The following TTC27 variants were observed in gnomAD, a reference collection of about 807,000 sequenced individuals.
TTC27 encodes tetratricopeptide repeat domain 27, also known as tetratricopeptide repeat protein 27.
Under a neutral mutation model 115.9 loss-of-function variants are expected in TTC27, and 79 were observed. The observed-to-expected ratio is 0.68, with a 90% CI of 0.57 to 0.82. TTC27 has a LOEUF of 0.82. Among genes scored for constraint, TTC27 ranks in the 40% least tolerant of loss-of-function variants. TTC27 has a pLI of 0.00. For synonymous variants in TTC27, 401 were observed against 356.0 expected, an observed-to-expected ratio of 1.13 and a Z score of -1.42; for missense variants, 1,054 against 993.1, an observed-to-expected ratio of 1.06 and a Z score of -0.82.
intron 4 of TTC27, among the ~76,000 whole-genome samples, chr2:32,647,670 T>C (rs1433339552): frequency 6.6e-6 from 1 of 152,062 alleles, no homozygotes; most frequent in Non-Finnish European, 1.5e-5. Context: ...GAAATTAAGT[T>C]CAAGCAAAAA....
intron 4 of TTC27, among the ~76,000 whole-genome samples, chr2:32,648,206 C>T (rs76828031): frequency 0.1 from 15,533 of 152,090 alleles, 1,151 homozygotes; most frequent in South Asian, 0.32. Flanking sequence ...TGGCTCACTG[C>T]AACCTCCGCC....
chr2:32,691,588 C>T (rs1415828159), intron 9 of TTC27, among the ~76,000 whole-genome samples: 4 of 152,146 alleles, frequency 2.6e-5, no homozygotes, highest in South Asian at 2.1e-4. Context: ...CATGAGCCAC[C>T]GCGCCTGGCC....
chr2:32,692,036 G>GATTTTTTTTTTTTTTTTTT (rs1666830490), intron 9 of TTC27, among the ~76,000 whole-genome samples: 1 of 61,188 alleles, frequency 1.6e-5, no homozygotes, highest in Non-Finnish European at 2.9e-5. Flanking sequence ...AATTTTTTAG[G>GATTTTTTTTTTTTTTTTTT]TTTTTTTTTT....
At chr2:32,753,427 GC>G (rs1669085113) in intron 12 of TTC27, among the ~76,000 whole-genome samples, 1 of 98,488 alleles carries the variant, frequency 1.0e-5, no homozygotes, top group Admixed American at 1.1e-4. Context: ...CCAATCAAAT[GC>G]CTTTTTTTTT....
chr2:32,647,646 C>G (rs915750423), intron 4 of TTC27, among the ~76,000 whole-genome samples: 1 of 152,142 alleles, frequency 6.6e-6, no homozygotes, highest in Non-Finnish European at 1.5e-5. Flanking sequence ...AAGGGAACGT[C>G]TTAGTCAAAT....
intron 12 of TTC27, among the ~76,000 whole-genome samples, chr2:32,741,725 T>G (rs1415304843): frequency 1.3e-5 from 2 of 152,150 alleles, no homozygotes; most frequent in African/African-American, 4.8e-5. Flanking sequence ...AGTTTTGGCA[T>G]GTAGCAAGAA....
chr2:32,691,381 C>T (rs1045134990), intron 9 of TTC27, among the ~76,000 whole-genome samples: 1 of 151,836 alleles, frequency 6.6e-6, no homozygotes, highest in East Asian at 1.9e-4. Flanking sequence ...TCACTGCAAC[C>T]TCCACCTCCC....
chr2:32,758,542 G>A, intron 13 of TTC27, 23 bp downstream of exon 13: 1 of 1,600,864 alleles, frequency 6.2e-7, no homozygotes, highest in Non-Finnish European at 8.6e-7. Flanking sequence ...ATAACCCCCT[G>A]CTGCTCTCAG....
Position 32,650,232 on chromosome 2 carries a change from A to G in TTC27, c.639A>G (p.Gln213=), listed in dbSNP as rs1437220901. ...CTCTTGCCGAAAACTGTATTGATCAAGGTATGTAGCAGATTTTTGTTTGAT... is the reference window on the plus strand; with the variant it reads ...CTCTTGCCGAAAACTGTATTGATCAGGGTATGTAGCAGATTTTTGTTTGAT... ...LFTLAENCID[Q]VMKLQNLFVD... is the part of the protein sequence containing the mutation. The change falls in exon 5 of 20, where the codon CAA becomes CAG. Residue 213 remains glutamine (Q), a splice_region_variant and synonymous_variant. Coordinates refer to ENST00000317907, the MANE Select transcript of TTC27 (RefSeq NM_017735.5). 6.2e-7 allele frequency: 1 copy of G among 1,612,854 alleles called. No individual in the cohort carries two copies. The highest frequency in any genetic ancestry group is 8.5e-7 in the Non-Finnish European group (1 of 1,179,300).
intron 1 of TTC27, among the ~76,000 whole-genome samples, chr2:32,628,733 T>TTTTATCTA (rs1401137804): frequency 7.2e-6 from 1 of 139,752 alleles, no homozygotes; most frequent in Non-Finnish European, 1.5e-5. Flanking sequence ...AGTAATTTTA[T>TTTTATCTA]TTTATCTATT....
At chr2:32,671,954 A>G (rs1010793187) in intron 7 of TTC27, among the ~76,000 whole-genome samples, 2 of 152,196 alleles carry the variant, frequency 1.3e-5, no homozygotes, top group African/African-American at 4.8e-5. Context: ...CCTATTGTCT[A>G]TGATTGTTGT....
chr2:32,771,546 A>G (rs1351362578), intron 13 of TTC27, among the ~76,000 whole-genome samples: 1 of 152,250 alleles, frequency 6.6e-6, no homozygotes, highest in Non-Finnish European at 1.5e-5. Context: ...AAGAAAAAGT[A>G]TGTATAAAAT....
intron 9 of TTC27, among the ~76,000 whole-genome samples, chr2:32,680,834 C>A (rs920542812): frequency 1.3e-5 from 2 of 152,192 alleles, no homozygotes; most frequent in Non-Finnish European, 2.9e-5. Context: ...CTAGCACACT[C>A]TTTTTACATT....
intron 16 of TTC27, among the ~76,000 whole-genome samples, chr2:32,791,512 A>G (rs1420703916): frequency 6.6e-6 from 1 of 152,208 alleles, no homozygotes; most frequent in Non-Finnish European, 1.5e-5. Context: ...GATTAATATG[A>G]AACCCAGAGA....
At chr2:32,791,286 C>T (rs1209088494) in intron 16 of TTC27, among the ~76,000 whole-genome samples, 3 of 152,058 alleles carry the variant, frequency 2.0e-5, no homozygotes, top group Non-Finnish European at 4.4e-5. Flanking sequence ...TCCTTTTCTT[C>T]CTTTTTTGTT....
At chr2:32,757,367 C>A (rs147179174) in intron 12 of TTC27, among the ~76,000 whole-genome samples, 1 of 152,212 alleles carries the variant, frequency 6.6e-6, no homozygotes, top group African/African-American at 2.4e-5. Flanking sequence ...AACCTCTCTT[C>A]GGTGCCTTTC....
In TTC27 at chr2:32,647,907, A is replaced by C. The variant is rs374157082; in HGVS notation, c.538-2224A>C. Among the ~76,000 whole-genome samples the C allele has an allele frequency of 2.6e-4, 39 of 152,254 alleles. 3 individuals carry two copies. The South Asian group carries it at 7.3e-3, about 28-fold the overall frequency. On this transcript the variant is annotated intron_variant, in intron 4 of 19. Transcript: ENST00000317907. The stretch of plus-strand genomic sequence containing the variant: ...TTTGCAGGTAACTAAAAGGAAAACT[A>C]ATTGTTAGACTTTCATGTAATATAA...
At chr2:32,722,236 C>G (rs749814600) in intron 10 of TTC27, among the ~76,000 whole-genome samples, 2 of 152,154 alleles carry the variant, frequency 1.3e-5, no homozygotes, top group Non-Finnish European at 2.9e-5. Flanking sequence ...TTTCACATAT[C>G]TGAGATATGA....
chr2:32,692,848 C>T (rs557055053), intron 9 of TTC27, among the ~76,000 whole-genome samples: 87 of 151,958 alleles, frequency 5.7e-4, no homozygotes, highest in Admixed American at 3.8e-3. Flanking sequence ...TCGTGGTGAA[C>T]GCCTGTAATC....
Sources: gnomAD v4.1 joint callset for allele counts (sites outside exome capture counted in the v4.1 genomes callset) on GRCh38, gnomAD v4.1.1 for gene constraint, MANE v1.5 for transcripts, NCBI Gene and HGNC (gene_info 2026-07-23, HGNC 2026-07-21) for gene names.